CASQ2: variants seen among roughly 807,000 people sequenced by gnomAD.
CASQ2 encodes the protein calsequestrin 2.
In CASQ2, 49 loss-of-function variants were observed where a neutral mutation model predicts 46.5. That is an observed-to-expected ratio of 1.05 (90% CI 0.84 to 1.34). CASQ2 has a LOEUF of 1.34. Ranked by LOEUF, CASQ2 falls within the 40% of genes most tolerant of loss-of-function variation. The pLI is 0.00. For missense variants in CASQ2, 486 were observed against 481.3 expected (o/e 1.01, Z -0.09); for synonymous variants, 174 against 168.5 (o/e 1.03, Z -0.25).
chr1:115,746,821 A>G (rs1648405421), intron 1 of CASQ2, among the ~76,000 whole-genome samples: 1 of 152,132 alleles, frequency 6.6e-6, no homozygotes, highest in Non-Finnish European at 1.5e-5. Context: ...GTACATATCC[A>G]TAGGGTACAC....
rs1347814375 is a variant in CASQ2, at chr1:115,717,870, T to C, written c.808A>G (p.Ile270Val). 3.1e-6 allele frequency: 5 copies of C among 1,611,422 alleles called. No individual in the cohort carries two copies. Among genetic ancestry groups the C allele is most frequent in the East Asian group, 2.2e-5 (1 of 44,872 alleles). The change falls in exon 8 of 11, where the codon ATT becomes GTT. Residue 270 changes from isoleucine (I) to valine (V), a missense_variant. By Grantham distance (29) the Ile-to-Val change is conservative. Coordinates refer to ENST00000261448, the MANE Select transcript of CASQ2 (RefSeq NM_001232.4). ...TWEDDLNGIH[I>V]VAFAEKSDPD... The stretch of plus-strand genomic sequence containing the variant: ...TCACTCTTCTCTGCAAAGGCCACAA[T>C]GTGGATCCCATTCAAATCATCTTCC...
At chr1:115,711,251 G>A (rs917523599) in intron 8 of CASQ2, among the ~76,000 whole-genome samples, 2 of 152,218 alleles carry the variant, frequency 1.3e-5, no homozygotes, top group African/African-American at 4.8e-5. Flanking sequence ...GGAGGGCCAA[G>A]CTCTTAAAGT....
rs180973932 is a variant in CASQ2 at position 115,731,564 on chromosome 1, G to A, written c.606+1337C>T. ...TTATGAACAATGGTGCTCATAGCTG[G>A]CTAACTATTACTGAATGCTTCCTGT... is the stretch of plus-strand genomic sequence containing the variant. On this transcript the variant is annotated intron_variant, in intron 5 of 10. Transcript: ENST00000261448. Among the ~76,000 whole-genome samples, 131 of 152,298 alleles carry A rather than the reference G, an allele frequency of 8.6e-4. 1 individual carries two copies. The highest frequency in any genetic ancestry group is 3.1e-3 in the African/African-American group (129 of 41,548).
intron 1 of CASQ2, among the ~76,000 whole-genome samples, chr1:115,746,161 G>T (rs1204130783): frequency 6.0e-5 from 9 of 149,050 alleles, no homozygotes; most frequent in African/African-American, 1.7e-4. Context: ...TCGATACGCT[G>T]TTTTTTTTTT....
intron 1 of CASQ2, among the ~76,000 whole-genome samples, chr1:115,756,960 A>G (rs112232863): frequency 0.052 from 7,894 of 152,094 alleles, 717 homozygotes; most frequent in African/African-American, 0.18. Context: ...GTCTCTAAAT[A>G]AATAAATAAA....
At chr1:115,742,413 T>G (rs1648219676) in intron 2 of CASQ2, among the ~76,000 whole-genome samples, 1 of 151,928 alleles carries the variant, frequency 6.6e-6, no homozygotes. Flanking sequence ...AGGCACAACT[T>G]GATAGAGGCC....
At chr1:115,721,532 C>T (rs754187741) in intron 7 of CASQ2, among the ~76,000 whole-genome samples, 24 of 152,040 alleles carry the variant, frequency 1.6e-4, no homozygotes, top group African/African-American at 4.8e-4. Context: ...CTCAATGTCT[C>T]GGGAAGTAGA....
chr1:115,713,163 C>T (rs1654601775), intron 8 of CASQ2, among the ~76,000 whole-genome samples: 1 of 152,172 alleles, frequency 6.6e-6, no homozygotes, highest in Non-Finnish European at 1.5e-5. Flanking sequence ...TGTAGAAACG[C>T]TGCTTTGCAA....
At chr1:115,734,442 A>T (rs1647890488) in intron 4 of CASQ2, among the ~76,000 whole-genome samples, 1 of 152,190 alleles carries the variant, frequency 6.6e-6, no homozygotes, top group Non-Finnish European at 1.5e-5. Flanking sequence ...GAGCTGGTCT[A>T]CATCACTTTA....
At chr1:115,762,477 A>G (rs1465366867) in intron 1 of CASQ2, among the ~76,000 whole-genome samples, 5 of 152,218 alleles carry the variant, frequency 3.3e-5, no homozygotes, top group African/African-American at 1.2e-4. Context: ...CATGTTGGTT[A>G]CAGGTTAGTC....
intron 10 of CASQ2, among the ~76,000 whole-genome samples, chr1:115,701,687 CA>C (rs1381655324): frequency 2.0e-5 from 3 of 152,314 alleles, no homozygotes; most frequent in East Asian, 3.9e-4. Flanking sequence ...CAACAACCAC[CA>C]GTGGTTCCCT....
intron 2 of CASQ2, among the ~76,000 whole-genome samples, chr1:115,742,778 G>C (rs1242122171): frequency 2.9e-5 from 4 of 136,746 alleles, no homozygotes; most frequent in Admixed American, 2.7e-4. Flanking sequence ...CTGTTTGTTT[G>C]TTTGTTTGTT....
At chr1:115,732,832 G>A (rs555185896) in intron 5 of CASQ2, 69 bp downstream of exon 5, 7 of 1,041,300 alleles carry the variant, frequency 6.7e-6, no homozygotes, top group Non-Finnish European at 1.1e-5. Context: ...AAGAAAGAGT[G>A]GTGAGAGTTC....
At chr1:115,726,857 C>T in intron 6 of CASQ2, 135 bp downstream of exon 6, 1 of 696,520 alleles carries the variant, frequency 1.4e-6, no homozygotes, top group South Asian at 1.6e-5. Flanking sequence ...TCAACAAAGC[C>T]ATACTACTGA....
At chr1:115,761,490 GAAGAAGGA>G (rs1648954769) in intron 1 of CASQ2, among the ~76,000 whole-genome samples, 8 of 43,798 alleles carry the variant, frequency 1.8e-4, no homozygotes, top group East Asian at 9.0e-4. Flanking sequence ...AGAAGAAGGA[GAAGAAGGA>G]GAAGAAGAAG....
intron 7 of CASQ2, among the ~76,000 whole-genome samples, chr1:115,725,012 G>A (rs530882914): frequency 2.6e-5 from 4 of 152,160 alleles, no homozygotes; most frequent in African/African-American, 4.8e-5. Flanking sequence ...GGCTTGGATT[G>A]ATCCATGGAG....
intron 8 of CASQ2, 40 bp from the exon 9 acceptor site, chr1:115,705,332 T>C (rs367753524): frequency 3.9e-6 from 5 of 1,284,492 alleles, no homozygotes; most frequent in Non-Finnish European, 5.7e-6. Context: ...CCCCTGCACA[T>C]ACACAGCTTC....
At chr1:115,724,295 A>T (rs774471743) in intron 7 of CASQ2, among the ~76,000 whole-genome samples, 1 of 151,996 alleles carries the variant, frequency 6.6e-6, no homozygotes, top group Non-Finnish European at 1.5e-5. Flanking sequence ...CTAAAATAGT[A>T]TTTGGTTTTT....
At chr1:115,709,570 T>C (rs1235283637) in intron 8 of CASQ2, among the ~76,000 whole-genome samples, 1 of 152,188 alleles carries the variant, frequency 6.6e-6, no homozygotes, top group African/African-American at 2.4e-5. Flanking sequence ...GACTATTCTC[T>C]GCAGTTATCA....
Sources: allele counts gnomAD v4.1 joint callset (sites outside exome capture counted in the v4.1 genomes callset), GRCh38; gene constraint gnomAD v4.1.1; transcripts MANE v1.5; gene names NCBI Gene and HGNC (gene_info 2026-07-23, HGNC 2026-07-21).